Variants in RORA observed in about 807,000 individuals in gnomAD.
RORA encodes nuclear receptor ROR-alpha.
In RORA, 7 loss-of-function variants were observed where a neutral mutation model predicts 69.5. The ratio of observed to expected loss-of-function variants is 0.10; its 90% CI spans 0.06 to 0.19. RORA has a LOEUF of 0.19. RORA is among the 10% of genes least tolerant of loss of function. RORA has a pLI of 1.00. For missense variants in RORA, 457 were observed against 663.0 expected (o/e 0.69, Z 3.41); for synonymous variants, 261 against 240.8 (o/e 1.08, Z -0.78).
At chr15:60,719,034 T>G (rs1050552909) in intron 1 of RORA, among the ~76,000 whole-genome samples, 4 of 130,696 alleles carry the variant, frequency 3.1e-5, no homozygotes, top group African/African-American at 6.1e-5. Flanking sequence ...TGTGTGTGTG[T>G]GTGGGGGGGG....
At chr15:60,600,717 C>G (rs1268849736) in intron 2 of RORA, among the ~76,000 whole-genome samples, 1 of 151,922 alleles carries the variant, frequency 6.6e-6, no homozygotes, top group Non-Finnish European at 1.5e-5. Context: ...ATTAGGCATT[C>G]CAGTCAGAAG....
At chr15:60,558,157 C>G (rs977730615) in intron 2 of RORA, 2 of 1,176,764 alleles carry the variant, frequency 1.7e-6, no homozygotes, top group Non-Finnish European at 2.5e-6. Context: ...GAGGCAAACA[C>G]AAGACTGGGC....
At chr15:60,904,705 A>G (rs1186896791) in intron 1 of RORA, among the ~76,000 whole-genome samples, 1 of 152,074 alleles carries the variant, frequency 6.6e-6, no homozygotes, top group Non-Finnish European at 1.5e-5. Flanking sequence ...TATTCAAACT[A>G]CCCATCTAAA....
chr15:60,846,821 T>C (rs1353296755), intron 1 of RORA, among the ~76,000 whole-genome samples: 1 of 152,286 alleles, frequency 6.6e-6, no homozygotes, highest in East Asian at 1.9e-4. Context: ...TTGTTTTTAT[T>C]GTCTTGTGCA....
chr15:60,746,293 T>C (rs2071647627), intron 1 of RORA, among the ~76,000 whole-genome samples: 1 of 152,038 alleles, frequency 6.6e-6, no homozygotes, highest in Admixed American at 6.6e-5. Flanking sequence ...GTGGGCCATG[T>C]GCATTTTTTT....
intron 5 of RORA, among the ~76,000 whole-genome samples, chr15:60,509,793 G>A (rs368085559): frequency 4.6e-4 from 67 of 144,906 alleles, no homozygotes; most frequent in Non-Finnish European, 5.1e-4. Context: ...TCTAGTTCAA[G>A]AAAAAAAAAA....
At chr15:61,123,927 C>T (rs374966092) in intron 1 of RORA, among the ~76,000 whole-genome samples, 1 of 152,162 alleles carries the variant, frequency 6.6e-6, no homozygotes, top group African/African-American at 2.4e-5. Flanking sequence ...GTGAGAACAC[C>T]GGAGCAATTC....
In RORA at chr15:60,855,588, T is replaced by C. The variant is rs28592739; in HGVS notation, c.167-176902A>G. ...ATGTGTGGACCCTTACACTTTATTA[T>C]TTATTCTCTTGCAGTGTTTGCTTTT... On this transcript the variant is annotated intron_variant, in intron 1 of 10. Transcript: ENST00000335670. Among the ~76,000 whole-genome samples, 734 of 151,960 alleles carry C rather than the reference T, an allele frequency of 4.8e-3. 7 individuals carry two copies. The highest frequency in any genetic ancestry group is 0.016 in the African/African-American group (675 of 41,406).
Position 60,490,282 on chromosome 15 carries a change from T to C in RORA, c.*7173A>G, listed in dbSNP as rs1172276625. 6.6e-6 allele frequency: 1 copy of C among 152,020 alleles called. No individual in the cohort carries two copies. The highest frequency in any genetic ancestry group is 1.9e-4 in the East Asian group (1 of 5,194). The allele number at this position is 152,020 out of a possible 1,614,324, so 9.4% of individuals were successfully genotyped here. A position where few individuals can be genotyped will look rare whatever the true frequency, so the allele number is the denominator to read the frequency against. On this transcript the variant is annotated 3_prime_UTR_variant, in exon 11 of 11. Coordinates refer to ENST00000335670, the MANE Select transcript of RORA (RefSeq NM_134261.3). The surrounding 1 kb of genome is among the most constrained non-coding windows in gnomAD (Gnocchi z 4.1). ...TTGTTGTTCACAAAAGTAACTTGTC[T>C]AGCACCACACATCAGAAAAACACAA...
chr15:60,822,214 A>C (rs955855740), intron 1 of RORA, among the ~76,000 whole-genome samples: 2 of 152,200 alleles, frequency 1.3e-5, no homozygotes, highest in African/African-American at 4.8e-5. Flanking sequence ...GTTTAAAAGA[A>C]GCATAGTTAT....
At chr15:60,640,626 A>T (rs59574961) in intron 2 of RORA, among the ~76,000 whole-genome samples, 10,134 of 150,436 alleles carry the variant, frequency 0.067, 814 homozygotes, top group African/African-American at 0.2. Flanking sequence ...CTTCTATAAA[A>T]TTTTTTTTTT....
At chr15:60,586,232 C>A (rs1307433697) in intron 2 of RORA, among the ~76,000 whole-genome samples, 1 of 152,166 alleles carries the variant, frequency 6.6e-6, no homozygotes, top group South Asian at 2.1e-4. Flanking sequence ...AAAAGTTTTT[C>A]ATCTTTAAGT....
chr15:60,878,340 T>C (rs1340502293), intron 1 of RORA, among the ~76,000 whole-genome samples: 1 of 85,852 alleles, frequency 1.2e-5, no homozygotes, highest in African/African-American at 5.2e-5. Context: ...CAAGACTCTG[T>C]CTCAAAAAAA....
At chr15:60,967,513 G>C (rs1224513635) in intron 1 of RORA, among the ~76,000 whole-genome samples, 1 of 152,162 alleles carries the variant, frequency 6.6e-6, no homozygotes, top group Non-Finnish European at 1.5e-5. Context: ...TGACTGACGG[G>C]CCTGTAATTT....
intron 1 of RORA, among the ~76,000 whole-genome samples, chr15:61,179,436 A>G (rs2079661866): frequency 6.6e-6 from 1 of 152,236 alleles, no homozygotes; most frequent in Non-Finnish European, 1.5e-5. Context: ...TTGTTTTGGA[A>G]GATTTTTGTT....
At chr15:60,875,836 C>G (rs1235637185) in intron 1 of RORA, among the ~76,000 whole-genome samples, 1 of 152,140 alleles carries the variant, frequency 6.6e-6, no homozygotes, top group Non-Finnish European at 1.5e-5. Flanking sequence ...GTAGTAGATT[C>G]ACTGTGAACC....
chr15:60,999,385 A>G (rs1894673449), intron 1 of RORA, among the ~76,000 whole-genome samples: 1 of 152,190 alleles, frequency 6.6e-6, no homozygotes, highest in East Asian at 1.9e-4. Context: ...AGCCCAGACT[A>G]GCAGAGGGTA....
At chr15:60,710,433 AGCCGAGAT>A (rs1356642849) in intron 1 of RORA, among the ~76,000 whole-genome samples, 3 of 152,190 alleles carry the variant, frequency 2.0e-5, no homozygotes, top group African/African-American at 7.2e-5. Flanking sequence ...GGTTGCAGTG[AGCCGAGAT>A]GGCGCCATTG....
chr15:60,859,651 C>CTTT lies in RORA; in HGVS notation c.167-180968_167-180966dup, dbSNP rs1208480913. ...GTTTTTTTTCTTTCTTTCTTTCTTT[C>CTTT]TTTCTTTTTTTTTTTTTTTTAGAGA... On this transcript the variant is annotated intron_variant, in intron 1 of 10. Transcript: ENST00000335670. 4.3e-4 allele frequency among the ~76,000 whole-genome samples: 41 copies of CTTT among 96,452 alleles called. 1 individual carries two copies. Among genetic ancestry groups the CTTT allele is most frequent in the Middle Eastern group, 7.6e-3 (1 of 132 alleles). The allele number at this position is 96,452 out of a possible 152,430, so 63.3% of individuals were successfully genotyped here. A position where few individuals can be genotyped will look rare whatever the true frequency, so the allele number is the denominator to read the frequency against.
Sources: gnomAD v4.1 joint callset for allele counts (sites outside exome capture counted in the v4.1 genomes callset) on GRCh38, gnomAD v4.1.1 for gene constraint, Gnocchi (gnomAD v3.1) non-coding constraint, MANE v1.5 for transcripts, NCBI Gene and HGNC (gene_info 2026-07-23, HGNC 2026-07-21) for gene names.